The following PLXDC1 variants were observed in gnomAD, a reference collection of about 807,000 sequenced individuals.
The protein encoded by PLXDC1 is plexin domain-containing protein 1.
PLXDC1 carries 39 observed loss-of-function variants against 61.3 expected under a neutral mutation model. The ratio of observed to expected loss-of-function variants is 0.64; its 90% confidence interval spans 0.49 to 0.83. PLXDC1 has a LOEUF of 0.83. Among genes scored for constraint, PLXDC1 ranks in the 40% least tolerant of loss-of-function variants. The probability of loss-of-function intolerance (pLI) is 0.00; values close to 1 mark genes in which losing one functional copy is unlikely to be tolerated. For synonymous variants in PLXDC1, 212 were observed against 254.5 expected, an observed-to-expected ratio of 0.83 and a Z score of 1.59; for missense variants, 596 against 666.5, an observed-to-expected ratio of 0.89 and a Z score of 1.17.
intron 6 of PLXDC1, 78 bp from the exon 7 acceptor site, chr17:39,106,031 C>T: frequency 1.1e-6 from 1 of 937,026 alleles, no homozygotes; most frequent in South Asian, 1.5e-5. Context: ...GAGCTCCAGA[C>T]CCATCTTTCT....
intron 1 of PLXDC1, among the ~76,000 whole-genome samples, chr17:39,140,597 G>C (rs1175139654): frequency 6.6e-6 from 1 of 152,346 alleles, no homozygotes; most frequent in East Asian, 1.9e-4. Context: ...GAGCCACCGC[G>C]CCTAGCCTCG....
intron 2 of PLXDC1, among the ~76,000 whole-genome samples, chr17:39,135,867 T>C (rs927652082): frequency 6.6e-6 from 1 of 152,160 alleles, no homozygotes; most frequent in Admixed American, 6.5e-5. Flanking sequence ...TGTGGTGTTT[T>C]TTAAGCTCTG....
intron 2 of PLXDC1, among the ~76,000 whole-genome samples, chr17:39,123,034 T>C (rs1468700452): frequency 6.6e-6 from 1 of 152,200 alleles, no homozygotes; most frequent in Admixed American, 6.5e-5. Context: ...CGGGGTTCCA[T>C]GGAGCACAAT....
chr17:39,152,234 G>A (rs1407905502), upstream of PLXDC1, among the ~76,000 whole-genome samples: 2 of 151,136 alleles, frequency 1.3e-5, no homozygotes, highest in Non-Finnish European at 2.9e-5. Flanking sequence ...AGACGTGAGG[G>A]TGGAGGGGGC....
chr17:39,104,114 T>A (rs1053583240), intron 7 of PLXDC1, among the ~76,000 whole-genome samples: 1 of 152,214 alleles, frequency 6.6e-6, no homozygotes, highest in Admixed American at 6.5e-5. Context: ...TTTTAAAGTC[T>A]ACTGTAGTGA....
At chr17:39,139,372 C>T (rs916999505) in intron 2 of PLXDC1, among the ~76,000 whole-genome samples, 1 of 152,174 alleles carries the variant, frequency 6.6e-6, no homozygotes, top group African/African-American at 2.4e-5. Flanking sequence ...AGTCCAGTTT[C>T]AGGAATGCTG....
At chr17:39,098,770 G>A (rs1910315760) in intron 7 of PLXDC1, among the ~76,000 whole-genome samples, 1 of 152,126 alleles carries the variant, frequency 6.6e-6, no homozygotes, top group South Asian at 2.1e-4. Flanking sequence ...TGGAGTAAGA[G>A]GCGTTTTATA....
chr17:39,129,948 G>A (rs1911506023), intron 2 of PLXDC1, among the ~76,000 whole-genome samples: 1 of 152,124 alleles, frequency 6.6e-6, no homozygotes, highest in Non-Finnish European at 1.5e-5. Context: ...ATATTATACA[G>A]CCATAAAATG....
At chr17:39,094,704 G>C (rs562928670) in intron 7 of PLXDC1, among the ~76,000 whole-genome samples, 144 of 152,250 alleles carry the variant, frequency 9.5e-4, no homozygotes, top group African/African-American at 3.4e-3. Flanking sequence ...GACTGTGAGT[G>C]AATGAATGGG....
In PLXDC1 at chr17:39,063,349, G is replaced by C; in HGVS notation, c.*4491C>G. On this transcript the variant is annotated 3_prime_UTR_variant, in exon 14 of 14. Transcript: ENST00000315392. ...ATTTATTGTATGTCCTCAGACAGTA[G>C]ATAAAAATGCATGGGGTTTACTTCC... 1 of 643,902 alleles carries C rather than the reference G, an allele frequency of 1.6e-6. No individual in the cohort carries two copies. The highest frequency in any genetic ancestry group is 2.8e-6 in the Non-Finnish European group (1 of 359,940). 39.9% of individuals were successfully genotyped at this position (643,902 alleles called of 1,614,324 possible).
chr17:39,083,692 C>G (rs1239413770), intron 8 of PLXDC1, 152 bp from the exon 9 acceptor site: 2 of 663,628 alleles, frequency 3.0e-6, no homozygotes, highest in East Asian at 5.5e-5. Flanking sequence ...TTGGTCCAGT[C>G]TAGCCCCAAT....
chr17:39,118,484 A>G (rs940317871), intron 2 of PLXDC1, among the ~76,000 whole-genome samples: 1 of 152,156 alleles, frequency 6.6e-6, no homozygotes, highest in East Asian at 1.9e-4. Context: ...GATTACAAGC[A>G]TGAGCCACCA....
intron 1 of PLXDC1, among the ~76,000 whole-genome samples, chr17:39,147,887 G>A (rs1181542720): frequency 1.3e-5 from 2 of 152,086 alleles, no homozygotes; most frequent in Non-Finnish European, 2.9e-5. Context: ...TTTTCTTCAT[G>A]GAGACATACA....
At chr17:39,091,902 TG>T (rs1909965001) in intron 7 of PLXDC1, among the ~76,000 whole-genome samples, 1 of 141,330 alleles carries the variant, frequency 7.1e-6, no homozygotes, top group Admixed American at 7.5e-5. Flanking sequence ...GAGGCTGCAG[TG>T]AGCTGAGACT....
chr17:39,092,704 G>T (rs1329393787), intron 7 of PLXDC1, among the ~76,000 whole-genome samples: 1 of 149,874 alleles, frequency 6.7e-6, no homozygotes, highest in Non-Finnish European at 1.5e-5. Context: ...CACAGTCTTT[G>T]TTTTAAAATC....
intron 7 of PLXDC1, among the ~76,000 whole-genome samples, chr17:39,091,958 C>CAAA (rs71141756): frequency 9.5e-6 from 1 of 105,374 alleles, no homozygotes; most frequent in Non-Finnish European, 1.9e-5. Context: ...GACTCTATCT[C>CAAA]AAAAAAAAAA....
chr17:39,068,815 G>C (rs561730795), intron 13 of PLXDC1, among the ~76,000 whole-genome samples: 158 of 152,292 alleles, frequency 1.0e-3, no homozygotes, highest in Non-Finnish European at 1.6e-3. Flanking sequence ...GAAACTGGGG[G>C]AATGACCTAG....
Position 39,146,706 on chromosome 17 carries a change from A to C in PLXDC1, c.76+4656T>G, listed in dbSNP as rs79808110. Reference sequence around the variant, plus strand: ...TATTATTAATAATAAATTTTAAAAAATTAGCCAGATGTGGTGGTGCATGCC... The same window carrying C: ...TATTATTAATAATAAATTTTAAAAACTTAGCCAGATGTGGTGGTGCATGCC... On this transcript the variant is annotated intron_variant, in intron 1 of 13. Transcript: ENST00000315392. Among the ~76,000 whole-genome samples, 1,007 of 151,326 alleles carry C rather than the reference A, an allele frequency of 6.7e-3. 13 individuals carry two copies. The highest frequency in any genetic ancestry group is 0.023 in the African/African-American group (945 of 41,374).
At chr17:39,135,651 CT>C (rs1275475102) in intron 2 of PLXDC1, among the ~76,000 whole-genome samples, 5 of 149,628 alleles carry the variant, frequency 3.3e-5, no homozygotes, top group Non-Finnish European at 5.9e-5. Flanking sequence ...TCATTCCAGC[CT>C]GGGCAACTGA....
Sources: gnomAD v4.1 joint callset for allele counts (sites outside exome capture counted in the v4.1 genomes callset) on GRCh38, gnomAD v4.1.1 for gene constraint, MANE v1.5 for transcripts, NCBI Gene and HGNC (gene_info 2026-07-23, HGNC 2026-07-21) for gene names.